Variants in TENM4 observed in about 807,000 individuals in gnomAD.
TENM4 encodes the protein teneurin transmembrane protein 4.
In TENM4, 82 loss-of-function variants were observed where a neutral mutation model predicts 243.3. The observed-to-expected ratio is 0.34, with a 90% CI of 0.28 to 0.40. The LOEUF (loss-of-function observed/expected upper bound fraction) is 0.40, where lower values mean the gene tolerates loss of function less well. Ranked by LOEUF, TENM4 falls within the 10% of genes least tolerant of loss-of-function variation. The pLI, the probability that TENM4 is intolerant of heterozygous loss-of-function variation, is 1.00. For missense variants in TENM4, 3,138 were observed against 3,673.3 expected (o/e 0.85, Z 3.77); for synonymous variants, 1,412 against 1,456.3 (o/e 0.97, Z 0.69).
At position 79,367,518 on chromosome 11, in the gene TENM4, A is replaced by G. The variant is rs570692956; in HGVS notation, c.-320-69975T>C. Among the ~76,000 whole-genome samples, 116 of 152,286 alleles carry G rather than the reference A, an allele frequency of 7.6e-4. 3 individuals carry two copies. In the South Asian group the frequency reaches 0.023, roughly 31 times the overall value. On this transcript the variant is annotated intron_variant, in intron 1 of 33. Transcript: ENST00000278550. ...ACATATCACACCTTCTCTGATGCAC[A>G]TATGTTATTGATTAGGTACAATGAA...
chr11:79,312,154 C>T (rs11237784), intron 1 of TENM4, among the ~76,000 whole-genome samples: 24,429 of 152,090 alleles, frequency 0.16, 2,067 homozygotes, highest in East Asian at 0.31. Context: ...CAGCTCCCCA[C>T]AGGACTCCAT....
chr11:78,862,947 AC>A lies in TENM4; in HGVS notation c.1255+14del. 1 of 1,427,452 alleles carries A rather than the reference AC, an allele frequency of 7.0e-7. No individual in the cohort carries two copies. The highest frequency in any genetic ancestry group is 9.3e-7 in the Non-Finnish European group (1 of 1,070,572). The allele number at this position is 1,427,452 out of a possible 1,614,324, so 88.4% of individuals were successfully genotyped here. A position where few individuals can be genotyped will look rare whatever the true frequency, so the allele number is the denominator to read the frequency against. On this transcript the variant is annotated intron_variant, in intron 10 of 33. Coordinates refer to ENST00000278550, the MANE Select transcript of TENM4 (RefSeq NM_001098816.3). ...ACACAGAGGACTCACAACACGGACA[AC>A]GCAGCAACCCTACCTTCTGTGGTTC...
At chr11:78,785,762 T>C (rs1856922660) in intron 16 of TENM4, among the ~76,000 whole-genome samples, 1 of 152,178 alleles carries the variant, frequency 6.6e-6, no homozygotes, top group Admixed American at 6.5e-5. Context: ...AAACTAATGT[T>C]AGGCTTCAAA....
In TENM4 at chr11:78,712,579, C is replaced by A. The variant is rs138148769; in HGVS notation, c.3957G>T (p.Glu1319Asp). Reference sequence around the variant, plus strand: ...ACTGGTCACCTGTCCCCGCAACCACCTCAGAGTTCTTGACAAGGTCCTTCA... The same window carrying A: ...ACTGGTCACCTGTCCCCGCAACCACATCAGAGTTCTTGACAAGGTCCTTCA... ...VVVKDLVKNS[E>D]VVAGTGDQCL... The change falls in exon 26 of 34, where the codon GAG becomes GAT. Residue 1319 changes from glutamate to aspartate, a missense_variant. Physicochemically the swap from Glu to Asp is conservative, Grantham distance 45 (BLOSUM62 2). This residue lies in a region of TENM4 where 2,467 missense variants were observed against 3,059.1 expected (regional missense o/e 0.81). Coordinates refer to ENST00000278550, the MANE Select transcript of TENM4 (RefSeq NM_001098816.3). 1.6e-5 allele frequency: 26 copies of A among 1,614,004 alleles called. No homozygotes were observed. The African/African-American group carries it at 2.8e-4, about 17-fold the overall frequency.
chr11:79,009,370 TTG>T (rs746580033), intron 6 of TENM4, among the ~76,000 whole-genome samples: 1 of 152,196 alleles, frequency 6.6e-6, no homozygotes, highest in Non-Finnish European at 1.5e-5. Context: ...AAGTATTTTA[TTG>T]TTCTTATGAG....
intron 1 of TENM4, among the ~76,000 whole-genome samples, chr11:79,307,521 A>G (rs977824149): frequency 1.3e-5 from 2 of 151,898 alleles, no homozygotes; most frequent in African/African-American, 4.8e-5. Flanking sequence ...CTACTACCCT[A>G]TTCAAGCCAT....
Position 79,338,022 on chromosome 11 carries a change from G to A in TENM4, c.-320-40479C>T, listed in dbSNP as rs546544244. ...GTCTCAGAGGAAGAGAGGGTCCTGC[G>A]CAAGCACGTATTTGGGATGACTGCT... On this transcript the variant is annotated intron_variant, in intron 1 of 33. Coordinates refer to ENST00000278550, the MANE Select transcript of TENM4 (RefSeq NM_001098816.3). Among the ~76,000 whole-genome samples the A allele has an allele frequency of 4.6e-5, 7 of 152,310 alleles. No individual in the cohort carries two copies. The East Asian group carries it at 5.8e-4, about 13-fold the overall frequency.
chr11:78,677,842 A>G (rs1348277036), intron 29 of TENM4, among the ~76,000 whole-genome samples: 1 of 145,844 alleles, frequency 6.9e-6, no homozygotes, highest in Non-Finnish European at 1.5e-5. Flanking sequence ...TTACATATGT[A>G]TACATGTGCC....
intron 3 of TENM4, among the ~76,000 whole-genome samples, chr11:79,184,935 G>A (rs1180408437): frequency 6.6e-6 from 1 of 152,120 alleles, no homozygotes; most frequent in African/African-American, 2.4e-5. Context: ...CCCATACTAA[G>A]CAAATGACAG....
At chr11:79,270,511 T>C (rs2135344219) in intron 2 of TENM4, among the ~76,000 whole-genome samples, 1 of 152,336 alleles carries the variant, frequency 6.6e-6, no homozygotes, top group Admixed American at 6.5e-5. Context: ...CCCCACATGG[T>C]ACCTAAGGGT....
intron 17 of TENM4, among the ~76,000 whole-genome samples, chr11:78,777,397 GTTTTAAA>G (rs1856758836): frequency 6.6e-6 from 1 of 152,106 alleles, no homozygotes; most frequent in African/African-American, 2.4e-5. Flanking sequence ...CTTTCCATAA[GTTTTAAA>G]ACAGCTGTTG....
rs1192942794 is a variant in TENM4, at chr11:79,315,507, C to G, written c.-320-17964G>C. 3.9e-5 allele frequency among the ~76,000 whole-genome samples: 6 copies of G among 152,180 alleles called. No homozygotes were observed. The South Asian group carries it at 1.2e-3, about 31-fold the overall frequency. On this transcript the variant is annotated intron_variant, in intron 1 of 33. Coordinates refer to ENST00000278550, the MANE Select transcript of TENM4 (RefSeq NM_001098816.3). ...TTGGCTGCGGATAGGGGAGCAGGCA[C>G]AGGTTTGCCTCCTGTCCATGGTGCT...
At chr11:79,379,056 G>C (rs889213829) in intron 1 of TENM4, among the ~76,000 whole-genome samples, 2 of 152,182 alleles carry the variant, frequency 1.3e-5, no homozygotes, top group African/African-American at 4.8e-5. Context: ...AAGAAAATAA[G>C]ACAATGAGAG....
intron 1 of TENM4, among the ~76,000 whole-genome samples, chr11:79,428,681 G>T (rs1465250673): frequency 6.6e-6 from 1 of 152,188 alleles, no homozygotes; most frequent in Non-Finnish European, 1.5e-5. Flanking sequence ...AGGACAGGCT[G>T]AGTAAGAAGG....
chr11:78,786,953 G>A lies in TENM4; in HGVS notation c.2310C>T (p.Cys770=). Residue 770 remains cysteine (C), a synonymous_variant, in exon 16 of 34, where the codon TGC becomes TGT. Coordinates refer to ENST00000278550, the MANE Select transcript of TENM4 (RefSeq NM_001098816.3). ...GGCTGCACTCGCACTTGCCGTCGCGGCAGGTCCCATGCTCGGCACAGCGCG... is the reference window on the plus strand; with the variant it reads ...GGCTGCACTCGCACTTGCCGTCGCGACAGGTCCCATGCTCGGCACAGCGCG... The part of the protein sequence containing the change: ...CHPRCAEHGT[C]RDGKCECSPG... 6.2e-7 allele frequency: 1 copy of A among 1,602,730 alleles called. No individual in the cohort carries two copies. Among genetic ancestry groups the A allele is most frequent in the Non-Finnish European group, 8.5e-7 (1 of 1,175,210 alleles).
At chr11:78,853,812 T>C (rs1225766104) in intron 12 of TENM4, among the ~76,000 whole-genome samples, 1 of 152,242 alleles carries the variant, frequency 6.6e-6, no homozygotes, top group Non-Finnish European at 1.5e-5. Flanking sequence ...TGCCTCTGTG[T>C]GGCTTGTCCA....
chr11:79,101,639 T>C (rs1861235233), intron 4 of TENM4, among the ~76,000 whole-genome samples: 3 of 152,224 alleles, frequency 2.0e-5, no homozygotes, highest in Admixed American at 2.0e-4. Context: ...CGCCTCACTT[T>C]CCTCTCAGGG....
At chr11:79,412,651 C>T (rs1186879151) in intron 1 of TENM4, among the ~76,000 whole-genome samples, 2 of 152,192 alleles carry the variant, frequency 1.3e-5, no homozygotes, top group Non-Finnish European at 2.9e-5. Context: ...ATTAAAACAG[C>T]ACTATGGCAT....
In TENM4 at chr11:79,180,623, T is replaced by TA. The variant is rs1266533759; in HGVS notation, c.-162-31818_-162-31817insT. On this transcript the variant is annotated intron_variant, in intron 3 of 33. Coordinates refer to ENST00000278550, the MANE Select transcript of TENM4 (RefSeq NM_001098816.3). ...AATCATAACTATACTTATATATATATTTTTATATTTGTTTTTAGTAATTTG... is the reference window on the plus strand; with the variant it reads ...AATCATAACTATACTTATATATATATATTTTATATTTGTTTTTAGTAATTTG... Among the ~76,000 whole-genome samples, 38 of 151,456 alleles carry TA rather than the reference T, an allele frequency of 2.5e-4. 3 individuals are homozygous for TA. The highest frequency in any genetic ancestry group is 1.7e-4 in the African/African-American group (7 of 41,344).
Sources: gnomAD v4.1 joint callset for allele counts (sites outside exome capture counted in the v4.1 genomes callset) on GRCh38, gnomAD v4.1.1 for gene constraint, gnomAD v4.1.1 regional missense constraint, MANE v1.5 for transcripts, NCBI Gene and HGNC (gene_info 2026-07-23, HGNC 2026-07-21) for gene names.